The following NEGR1 variants were observed in gnomAD, a reference collection of about 807,000 sequenced individuals.
The protein encoded by NEGR1 is neuronal growth regulator 1.
In NEGR1, 10 loss-of-function variants were observed where a neutral mutation model predicts 40.9. The observed-to-expected ratio is 0.24, with a 90% CI of 0.15 to 0.42. NEGR1 has a LOEUF of 0.42. Among genes scored for constraint, NEGR1 ranks in the 10% least tolerant of loss-of-function variants. NEGR1 has a pLI of 1.00. For synonymous variants in NEGR1, 185 were observed against 166.8 expected, an observed-to-expected ratio of 1.11 and a Z score of -0.84; for missense variants, 352 against 438.9, an observed-to-expected ratio of 0.80 and a Z score of 1.77.
At chr1:71,697,216 A>T (rs1250438481) in intron 4 of NEGR1, among the ~76,000 whole-genome samples, 2 of 151,906 alleles carry the variant, frequency 1.3e-5, no homozygotes, top group African/African-American at 2.4e-5. Context: ...GAATTTTAAA[A>T]ATGAAAACTA....
chr1:71,475,479 C>T lies in NEGR1; in HGVS notation c.941-67909G>A, dbSNP rs187577703. 4.6e-3 allele frequency among the ~76,000 whole-genome samples: 692 copies of T among 151,930 alleles called. 9 individuals are homozygous for T. In the South Asian group the frequency reaches 0.052, roughly 11 times the overall value. ...ATAAAACATACTTGATATATTTGTA[C>T]GCTAACAATATGTAACTGTAATTTT... On this transcript the variant is annotated intron_variant, in intron 6 of 6. Coordinates refer to ENST00000357731, the MANE Select transcript of NEGR1 (RefSeq NM_173808.3).
chr1:71,752,734 T>A (rs946360707), intron 3 of NEGR1, among the ~76,000 whole-genome samples: 2 of 150,958 alleles, frequency 1.3e-5, no homozygotes, highest in Non-Finnish European at 2.9e-5. Flanking sequence ...CCTCTCACTT[T>A]CATAGATGCC....
chr1:71,991,782 ATTTG>A (rs570471295), intron 1 of NEGR1, among the ~76,000 whole-genome samples: 76 of 151,894 alleles, frequency 5.0e-4, no homozygotes, highest in Non-Finnish European at 5.3e-4. Flanking sequence ...TGAGTATAGT[ATTTG>A]TTTGTTTGTT....
intron 1 of NEGR1, among the ~76,000 whole-genome samples, chr1:72,232,879 C>T (rs1226997632): frequency 1.3e-5 from 2 of 152,056 alleles, no homozygotes; most frequent in Non-Finnish European, 2.9e-5. Flanking sequence ...GAGAAAACAA[C>T]AGAAGGACAT....
At chr1:71,979,527 TC>T (rs1646336609) in intron 1 of NEGR1, among the ~76,000 whole-genome samples, 1 of 152,150 alleles carries the variant, frequency 6.6e-6, no homozygotes, top group Non-Finnish European at 1.5e-5. Context: ...CGGGTTAAAG[TC>T]CCAGACTGAT....
intron 6 of NEGR1, among the ~76,000 whole-genome samples, chr1:71,432,853 G>A (rs1352669256): frequency 6.6e-6 from 1 of 152,160 alleles, no homozygotes; most frequent in African/African-American, 2.4e-5. Context: ...GGATGGTGTT[G>A]GAAGAATCCT....
chr1:72,046,774 G>A (rs1647006090), intron 1 of NEGR1, among the ~76,000 whole-genome samples: 1 of 151,490 alleles, frequency 6.6e-6, no homozygotes, highest in South Asian at 2.1e-4. Context: ...CAAGATATAA[G>A]ACAAAGAAAA....
chr1:71,941,902 G>C (rs1645962727), intron 1 of NEGR1, among the ~76,000 whole-genome samples: 1 of 151,792 alleles, frequency 6.6e-6, no homozygotes, highest in South Asian at 2.1e-4. Flanking sequence ...GCATCTGTTA[G>C]TTAAGTAACT....
chr1:72,129,741 C>T (rs376866005), intron 1 of NEGR1, among the ~76,000 whole-genome samples: 36 of 152,186 alleles, frequency 2.4e-4, no homozygotes, highest in African/African-American at 7.2e-4. Context: ...TAGTTAATGA[C>T]ATTTCTATGC....
At chr1:71,870,958 T>C (rs1370907200) in intron 2 of NEGR1, among the ~76,000 whole-genome samples, 1 of 152,230 alleles carries the variant, frequency 6.6e-6, no homozygotes, top group Admixed American at 6.5e-5. Flanking sequence ...AAGGCTAGAA[T>C]ACTTTCTTTG....
chr1:72,009,758 G>C (rs918786288), intron 1 of NEGR1, among the ~76,000 whole-genome samples: 1 of 152,066 alleles, frequency 6.6e-6, no homozygotes, highest in Non-Finnish European at 1.5e-5. Flanking sequence ...CAGGAGCCAC[G>C]TGTTATTCAT....
Position 71,966,468 on chromosome 1 carries a change from A to G in NEGR1, c.177-31157T>C, listed in dbSNP as rs565234045. ...GGATAGAGTTACTCTCAGCTTGGAC[A>G]TATTTGAGTTACACGCTGTTTTTTC... On this transcript the variant is annotated intron_variant, in intron 1 of 6. Transcript: ENST00000357731. 1.4e-3 allele frequency among the ~76,000 whole-genome samples: 211 copies of G among 152,280 alleles called. 2 individuals carry two copies. Among genetic ancestry groups the G allele is most frequent in the African/African-American group, 4.9e-3 (202 of 41,570 alleles).
At chr1:72,245,241 G>A (rs772845195) in intron 1 of NEGR1, among the ~76,000 whole-genome samples, 15 of 151,990 alleles carry the variant, frequency 9.9e-5, no homozygotes, top group Admixed American at 4.6e-4. Flanking sequence ...TTTCCATGCT[G>A]GACTGATCAT....
chr1:72,098,105 T>C (rs1021526629), intron 1 of NEGR1, among the ~76,000 whole-genome samples: 2 of 152,088 alleles, frequency 1.3e-5, no homozygotes, highest in African/African-American at 2.4e-5. Flanking sequence ...CCCTGTCCTA[T>C]AAAATGATGG....
At position 71,853,119 on chromosome 1, in the gene NEGR1, G is replaced by C. The variant is rs568571827; in HGVS notation, c.410-76822C>G. On this transcript the variant is annotated intron_variant, in intron 2 of 6. Transcript: ENST00000357731. Reference sequence around the variant, plus strand: ...ACTGTGAATTTTCAGGGAAAGGATTGGAATATTATATTCTTATATCTATTT... The same window carrying C: ...ACTGTGAATTTTCAGGGAAAGGATTCGAATATTATATTCTTATATCTATTT... 3.0e-4 allele frequency among the ~76,000 whole-genome samples: 45 copies of C among 151,976 alleles called. 1 individual carries two copies. In the South Asian group the frequency reaches 9.1e-3, roughly 31 times the overall value.
At chr1:71,854,336 C>A (rs1008216549) in intron 2 of NEGR1, among the ~76,000 whole-genome samples, 1 of 151,956 alleles carries the variant, frequency 6.6e-6, no homozygotes, top group Admixed American at 6.6e-5. Flanking sequence ...TCTATATATT[C>A]TCAGAATATA....
At chr1:71,600,579 C>A (rs1432538435) in intron 5 of NEGR1, among the ~76,000 whole-genome samples, 1 of 152,028 alleles carries the variant, frequency 6.6e-6, no homozygotes, top group African/African-American at 2.4e-5. Flanking sequence ...AACAAAGGAG[C>A]CAACATGTGA....
At chr1:71,814,076 G>T (rs558533453) in intron 2 of NEGR1, among the ~76,000 whole-genome samples, 1 of 152,152 alleles carries the variant, frequency 6.6e-6, no homozygotes, top group Non-Finnish European at 1.5e-5. Context: ...TGTCATAAAT[G>T]GCTCTTAATA....
At chr1:71,770,363 C>T (rs1656274817) in intron 3 of NEGR1, among the ~76,000 whole-genome samples, 1 of 152,142 alleles carries the variant, frequency 6.6e-6, no homozygotes, top group Admixed American at 6.6e-5. Context: ...TTTTCTATCC[C>T]TCACCCTGAA....
Sources: allele counts gnomAD v4.1 joint callset (sites outside exome capture counted in the v4.1 genomes callset), GRCh38; gene constraint gnomAD v4.1.1; transcripts MANE v1.5; gene names NCBI Gene and HGNC (gene_info 2026-07-23, HGNC 2026-07-21).